Variants in ANK3 observed in about 807,000 individuals in gnomAD.
The protein encoded by ANK3 is ankyrin-3.
ANK3 carries 57 observed loss-of-function variants against 370.9 expected under a neutral mutation model. The observed-to-expected ratio is 0.15, with a 90% CI of 0.12 to 0.19. ANK3 has a LOEUF of 0.19. Ranked by LOEUF, ANK3 falls within the 10% of genes least tolerant of loss-of-function variation. The pLI is 1.00. For missense variants in ANK3, 4,439 were observed against 5,302.1 expected, an observed-to-expected ratio of 0.84 and a Z score of 5.06; for synonymous variants, 1,929 against 1,946.3, an observed-to-expected ratio of 0.99 and a Z score of 0.23.
intron 2 of ANK3, among the ~76,000 whole-genome samples, chr10:60,417,592 T>C (rs1037332536): frequency 6.6e-6 from 1 of 152,212 alleles, no homozygotes; most frequent in Non-Finnish European, 1.5e-5. Context: ...AAAGGTGATG[T>C]GCCACCTATG....
intron 1 of ANK3, among the ~76,000 whole-genome samples, chr10:60,684,118 A>G (rs532577480): frequency 2.0e-5 from 3 of 152,370 alleles, no homozygotes; most frequent in Non-Finnish European, 4.4e-5. Flanking sequence ...ATGAAGCAAG[A>G]AAAGTATTAA....
At chr10:60,163,742 C>T (rs1234065200) in intron 23 of ANK3, among the ~76,000 whole-genome samples, 5 of 152,102 alleles carry the variant, frequency 3.3e-5, no homozygotes, top group East Asian at 1.9e-4. Context: ...CTACTTACAG[C>T]AGATTATTTT....
At chr10:60,164,791 T>C (rs1223056562) in intron 23 of ANK3, among the ~76,000 whole-genome samples, 1 of 152,200 alleles carries the variant, frequency 6.6e-6, no homozygotes. Context: ...CAGCAGATGT[T>C]TGCTCAGACT....
At chr10:60,197,726 C>G (rs76374985) in intron 14 of ANK3, among the ~76,000 whole-genome samples, 2,051 of 152,318 alleles carry the variant, frequency 0.013, 53 homozygotes, top group African/African-American at 0.047. Flanking sequence ...AGATGCGCCA[C>G]AAGCCAATTC....
chr10:60,526,656 A>G (rs191399482), intron 2 of ANK3, among the ~76,000 whole-genome samples: 2 of 152,256 alleles, frequency 1.3e-5, no homozygotes, highest in Admixed American at 1.3e-4. Context: ...CCCAGTGCCA[A>G]ATTAATATTT....
chr10:60,267,600 T>G (rs771121629), intron 5 of ANK3, among the ~76,000 whole-genome samples: 6 of 152,230 alleles, frequency 3.9e-5, no homozygotes, highest in Non-Finnish European at 8.8e-5. Context: ...TTTCTTTAAG[T>G]TAGCTGTAGG....
At chr10:60,702,608 GA>G (rs1407406558) in intron 1 of ANK3, among the ~76,000 whole-genome samples, 1 of 152,080 alleles carries the variant, frequency 6.6e-6, no homozygotes, top group African/African-American at 2.4e-5. Flanking sequence ...TCATTATTTT[GA>G]AAACTTTCTA....
intron 2 of ANK3, among the ~76,000 whole-genome samples, chr10:60,535,733 C>A (rs527558158): frequency 1.3e-5 from 2 of 151,856 alleles, no homozygotes; most frequent in South Asian, 4.1e-4. Flanking sequence ...TTATTCATTG[C>A]ACATTATTTT....
At position 60,076,055 on chromosome 10, in the gene ANK3, G is replaced by A. The variant is rs148024054; in HGVS notation, c.4826C>T (p.Thr1609Met). The A allele has an allele frequency of 1.9e-4, 303 of 1,614,178 alleles. No homozygotes were observed. Among genetic ancestry groups the A allele is most frequent in the African/African-American group, 1.7e-3 (131 of 75,060 alleles). ...LARAPAVTEA[T>M]PLKGLASNST... The stretch of plus-strand genomic sequence containing the variant: ...ATTGGATGCCAGCCCTTTTAAGGGC[G>A]TAGCTTCCGTGACTGCTGGAGCTCT... Residue 1609 changes from threonine to methionine, a missense_variant, in exon 37 of 44, where the codon ACG (threonine) becomes ATG (methionine). Around this residue, in one of 13 missense-constraint regions of ANK3, gnomAD observed 679 missense variants for 791.0 expected, o/e 0.86. Transcript: ENST00000280772.
In ANK3 at chr10:60,625,819, T is replaced by A. The variant is rs77407977; in HGVS notation, c.58-10595A>T. 4.1e-3 allele frequency among the ~76,000 whole-genome samples: 617 copies of A among 152,336 alleles called. 6 individuals carry two copies. The highest frequency in any genetic ancestry group is 0.014 in the African/African-American group (579 of 41,584). On this transcript the variant is annotated intron_variant, in intron 1 of 43. Coordinates refer to the ANK3 transcript ENST00000373827. ...TCTAAAAGTTTTTCAAAAGAATGCATGGTTCTTATAAAATTAGGATATTTT... is the reference window on the plus strand; with the variant it reads ...TCTAAAAGTTTTTCAAAAGAATGCAAGGTTCTTATAAAATTAGGATATTTT...
intron 1 of ANK3, among the ~76,000 whole-genome samples, chr10:60,627,206 T>C (rs185491844): frequency 2.6e-5 from 4 of 152,214 alleles, no homozygotes; most frequent in East Asian, 3.9e-4. Flanking sequence ...ACTAAATTCA[T>C]TGATATTAAA....
At chr10:60,329,396 C>A (rs988544807) in intron 1 of ANK3, among the ~76,000 whole-genome samples, 1 of 152,138 alleles carries the variant, frequency 6.6e-6, no homozygotes, top group Non-Finnish European at 1.5e-5. Flanking sequence ...ATCATGTCAG[C>A]CCCAAATCTC....
At chr10:60,393,014 G>GA (rs1014588193), upstream of ANK3, among the ~76,000 whole-genome samples, 1 of 152,048 alleles carries the variant, frequency 6.6e-6, no homozygotes, top group Admixed American at 6.6e-5. Flanking sequence ...AAGAAAAAAA[G>GA]AAAAAATCTG....
rs1284382841 is a variant in ANK3, at chr10:60,039,649, C to G, written c.*19+3023G>C. Among the ~76,000 whole-genome samples the G allele has an allele frequency of 3.3e-5, 5 of 152,162 alleles. No homozygotes were observed. In the East Asian group the frequency reaches 9.7e-4, roughly 29 times the overall value. On this transcript the variant is annotated intron_variant, in intron 43 of 43. Transcript: ENST00000280772. ...AGTTCAAATTTTATTCTTTTGCTCC[C>G]TAGCTGTAGTACCTTGAGTAAATCA...
intron 1 of ANK3, among the ~76,000 whole-genome samples, chr10:60,679,091 A>G (rs1169149010): frequency 6.6e-6 from 1 of 152,198 alleles, no homozygotes; most frequent in Non-Finnish European, 1.5e-5. Context: ...GGGTCTCTGG[A>G]TTATACAACC....
chr10:60,446,912 T>C (rs2064463182), intron 2 of ANK3, among the ~76,000 whole-genome samples: 1 of 152,240 alleles, frequency 6.6e-6, no homozygotes, highest in Admixed American at 6.5e-5. Flanking sequence ...TGACATTTAA[T>C]CATTGCATTT....
upstream of ANK3, among the ~76,000 whole-genome samples, chr10:60,393,234 G>A (rs1419542705): frequency 6.6e-6 from 1 of 152,144 alleles, no homozygotes; most frequent in Non-Finnish European, 1.5e-5. Context: ...GGCTCTCCCA[G>A]CCCTCCTCCA....
chr10:60,455,040 G>A (rs2064711646), intron 2 of ANK3, among the ~76,000 whole-genome samples: 1 of 152,076 alleles, frequency 6.6e-6, no homozygotes. Flanking sequence ...AGTTTTTGCT[G>A]TTAAAATGTT....
rs919335595 is a variant in ANK3, at chr10:60,696,765, A to C, written c.57+36498T>G. Among the ~76,000 whole-genome samples the C allele has an allele frequency of 9.4e-4, 137 of 146,088 alleles. 2 individuals are homozygous for C. Among genetic ancestry groups the C allele is most frequent in the African/African-American group, 3.3e-3 (126 of 38,298 alleles). On this transcript the variant is annotated intron_variant, in intron 1 of 43. Coordinates refer to the ANK3 transcript ENST00000373827. ...ATGGGACGTATTTCAAAATAATAAGAGCTATCTATGACAAACCCACAGCCA... is the reference window on the plus strand; with the variant it reads ...ATGGGACGTATTTCAAAATAATAAGCGCTATCTATGACAAACCCACAGCCA...
Sources: allele counts gnomAD v4.1 joint callset (sites outside exome capture counted in the v4.1 genomes callset), GRCh38; gene constraint gnomAD v4.1.1; regional missense constraint gnomAD v4.1.1; transcripts MANE v1.5; gene names NCBI Gene and HGNC (gene_info 2026-07-23, HGNC 2026-07-21).